Variants in FIGLA observed in about 807,000 individuals in gnomAD.
FIGLA encodes factor in the germline alpha.
A neutral mutation model predicts 21.5 loss-of-function variants in FIGLA; 17 were observed. The ratio of observed to expected loss-of-function variants is 0.79; its 90% confidence interval spans 0.54 to 1.19. The LOEUF is 1.19. FIGLA is among the 50% of genes most tolerant of loss of function. FIGLA has a pLI of 0.00. For synonymous variants in FIGLA, 129 were observed against 117.6 expected (o/e 1.10, Z -0.63); for missense variants, 282 against 285.0 (o/e 0.99, Z 0.08).
intron 3 of FIGLA, among the ~76,000 whole-genome samples, chr2:70,779,015 A>C (rs1399387335): frequency 6.6e-6 from 1 of 152,144 alleles, no homozygotes. Context: ...TCTTTCCAAA[A>C]TCCCAGAGAA....
intron 1 of FIGLA, 23 bp from the exon 2 acceptor site, chr2:70,787,824 A>G (rs1675983566): frequency 6.2e-7 from 1 of 1,608,476 alleles, no homozygotes; most frequent in African/African-American, 1.3e-5. Context: ...AAGGCACAGT[A>G]ACACACAGAG....
intron 3 of FIGLA, among the ~76,000 whole-genome samples, chr2:70,784,443 TTAG>T (rs1675909925): frequency 6.6e-6 from 1 of 152,120 alleles, no homozygotes; most frequent in Non-Finnish European, 1.5e-5. Flanking sequence ...TCATTTGGAG[TTAG>T]TTATCTTATA....
rs926829367 is a variant in FIGLA, at chr2:70,790,402, C to T, written c.231+6G>A. 3.3e-6 allele frequency: 5 copies of T among 1,529,398 alleles called. No homozygotes were observed. The Admixed American group carries it at 1.0e-4, about 31-fold the overall frequency. The allele number at this position is 1,529,398 out of a possible 1,614,324, so 94.7% of individuals were successfully genotyped here. On this transcript the variant is annotated splice_donor_region_variant and intron_variant, in intron 1 of 4. Transcript: ENST00000332372. The stretch of plus-strand genomic sequence containing the variant: ...GGAACGGACGTCGACCCTAGGGATC[C>T]CTCACCCGCTCACGCTCCTTGGCGT...
chr2:70,789,564 A>G (rs1676019802), intron 1 of FIGLA, among the ~76,000 whole-genome samples: 1 of 152,058 alleles, frequency 6.6e-6, no homozygotes, highest in Non-Finnish European at 1.5e-5. Context: ...ATTCACTGGG[A>G]CATTTCTGAA....
chr2:70,780,888 G>T (rs1255067202), intron 3 of FIGLA, among the ~76,000 whole-genome samples: 1 of 152,180 alleles, frequency 6.6e-6, no homozygotes, highest in Non-Finnish European at 1.5e-5. Flanking sequence ...TCCAGCAGAT[G>T]AGGGGCATAT....
chr2:70,787,127 C>A (rs1454692276), intron 2 of FIGLA, among the ~76,000 whole-genome samples: 1 of 152,170 alleles, frequency 6.6e-6, no homozygotes. Flanking sequence ...TTGTGTCATT[C>A]CTGCTGAATG....
chr2:70,785,708 AT>A, intron 2 of FIGLA, 69 bp from the exon 3 acceptor site: 2 of 1,216,250 alleles, frequency 1.6e-6, no homozygotes, highest in South Asian at 2.6e-5. Flanking sequence ...AAACTAATAT[AT>A]TTCAAAGTTT....
chr2:70,787,590 T>C, intron 2 of FIGLA, 59 bp downstream of exon 2: 1 of 1,477,544 alleles, frequency 6.8e-7, no homozygotes, highest in Non-Finnish European at 9.2e-7. Context: ...CAGTGTCTCG[T>C]ACATAGAAAA....
At chr2:70,789,101 T>A (rs1010975997) in intron 1 of FIGLA, among the ~76,000 whole-genome samples, 1 of 152,078 alleles carries the variant, frequency 6.6e-6, no homozygotes, top group Non-Finnish European at 1.5e-5. Context: ...AAAATGCTTT[T>A]GATAATGTTA....
intron 3 of FIGLA, among the ~76,000 whole-genome samples, chr2:70,781,656 G>A (rs139892404): frequency 7.6e-4 from 116 of 152,274 alleles, no homozygotes; most frequent in African/African-American, 2.7e-3. Context: ...ATGATCTCAA[G>A]GGCATCATCT....
Position 70,785,531 on chromosome 2 carries a change from C to T in FIGLA, c.493G>A (p.Gly165Ser), listed in dbSNP as rs782050777. The T allele has an allele frequency of 1.6e-5, 26 of 1,613,838 alleles. No homozygotes were observed. The highest frequency in any genetic ancestry group is 7.7e-5 in the South Asian group (7 of 91,088). ...GGCCCTTCCTCTTCATTCTTCAAGC[C>T]GAAAGCACAGCTGATATGTTGGGTG... is the stretch of plus-strand genomic sequence containing the variant. The part of the protein sequence containing the change: ...NITQHISCAF[G>S]LKNEEEGPWA... The change falls in exon 3 of 5, where the codon GGC (glycine) becomes AGC (serine). Residue 165 changes from glycine to serine, a missense_variant. Physicochemically the swap from Gly to Ser is moderately conservative, Grantham distance 56. Coordinates refer to ENST00000332372, the MANE Select transcript of FIGLA (RefSeq NM_001004311.3).
In FIGLA at chr2:70,790,436, C is replaced by G. The variant is rs1553390696; in HGVS notation, c.203G>C (p.Arg68Pro). Reference protein sequence around the residue: ...ENLQLVLERRRVANAKERERI... With the variant: ...ENLQLVLERRPVANAKERERI... ...CTCACGCTCCTTGGCGTTGGCCACA[C>G]GCCGCCGCTCCAGCACCAACTGGAG... Residue 68 changes from arginine to proline, a missense_variant, in exon 1 of 5, where the codon CGT becomes CCT. Physicochemically the swap from Arg to Pro is moderately radical, Grantham distance 103. Coordinates refer to ENST00000332372, the MANE Select transcript of FIGLA (RefSeq NM_001004311.3). 1 of 1,541,312 alleles carries G rather than the reference C, an allele frequency of 6.5e-7. No individual in the cohort carries two copies.
At chr2:70,781,971 T>C (rs782113221) in intron 3 of FIGLA, among the ~76,000 whole-genome samples, 2 of 152,210 alleles carry the variant, frequency 1.3e-5, no homozygotes, top group Admixed American at 6.5e-5. Flanking sequence ...TATACTATAG[T>C]TATGGAAGAT....
At chr2:70,782,625 G>T (rs1267187385) in intron 3 of FIGLA, among the ~76,000 whole-genome samples, 3 of 152,230 alleles carry the variant, frequency 2.0e-5, no homozygotes, top group Non-Finnish European at 2.9e-5. Context: ...CTATGCAGGG[G>T]AATGTCCTGT....
At chr2:70,789,680 T>A (rs1553390550) in intron 1 of FIGLA, among the ~76,000 whole-genome samples, 1 of 152,140 alleles carries the variant, frequency 6.6e-6, no homozygotes, top group Admixed American at 6.5e-5. Context: ...TGGATTCGCC[T>A]CTGCTGCAAC....
rs1291157931 is a variant in FIGLA at position 70,785,559 on chromosome 2, G to A, written c.465C>T (p.Asn155=). 1.2e-6 allele frequency: 2 copies of A among 1,613,860 alleles called. No individual in the cohort carries two copies. The highest frequency in any genetic ancestry group is 1.3e-5 in the African/African-American group (1 of 74,898). The part of the protein sequence containing the change: ...HTSSARQLSR[N]ITQHISCAFG... ...AAGCACAGCTGATATGTTGGGTGAT[G>A]TTTCTTGACAGCTGTCTTGCCGAGG... The change falls in exon 3 of 5, where the codon AAC becomes AAT. Residue 155 remains asparagine, a synonymous_variant. Coordinates refer to ENST00000332372, the MANE Select transcript of FIGLA (RefSeq NM_001004311.3).
Position 70,782,370 on chromosome 2 carries a change from C to T in FIGLA, c.609+3045G>A, listed in dbSNP as rs73940135. ...AAACAGACAAATGCTGATCAAGACA[C>T]GCTCTATAAAACAACTGGCCTGTAA... On this transcript the variant is annotated intron_variant, in intron 3 of 4. Transcript: ENST00000332372. 9.0e-3 allele frequency among the ~76,000 whole-genome samples: 1,365 copies of T among 152,296 alleles called. 25 individuals carry two copies. Among genetic ancestry groups the T allele is most frequent in the African/African-American group, 0.031 (1,288 of 41,562 alleles).
chr2:70,778,136 C>T (rs1675793072), intron 3 of FIGLA, among the ~76,000 whole-genome samples: 1 of 152,180 alleles, frequency 6.6e-6, no homozygotes, highest in Non-Finnish European at 1.5e-5. Context: ...CTAGTCCACC[C>T]TCCTTTACAT....
intron 1 of FIGLA, among the ~76,000 whole-genome samples, chr2:70,789,956 C>T (rs546236117): frequency 6.6e-6 from 1 of 152,314 alleles, no homozygotes; most frequent in South Asian, 2.1e-4. Flanking sequence ...CCTTTCTCCT[C>T]ACCCTCGTGT....
Sources: gnomAD v4.1 joint callset for allele counts (sites outside exome capture counted in the v4.1 genomes callset) on GRCh38, gnomAD v4.1.1 for gene constraint, MANE v1.5 for transcripts, NCBI Gene and HGNC (gene_info 2026-07-23, HGNC 2026-07-21) for gene names.